The following PRDM16 variants were observed in gnomAD, a reference collection of about 807,000 sequenced individuals.
PRDM16 encodes the protein PR/SET domain 16.
Under a neutral mutation model 110.6 loss-of-function variants are expected in PRDM16, and 23 were observed. The observed-to-expected ratio is 0.21, with a 90% CI of 0.15 to 0.29. The LOEUF (loss-of-function observed/expected upper bound fraction) is 0.29. Ranked by LOEUF, PRDM16 falls within the 10% of genes least tolerant of loss-of-function variation. The pLI is 1.00. For synonymous variants in PRDM16, 799 were observed against 781.8 expected, an observed-to-expected ratio of 1.02 and a Z score of -0.37; for missense variants, 1,615 against 1,794.3, an observed-to-expected ratio of 0.90 and a Z score of 1.81.
Position 3,396,569 on chromosome 1 carries a change from G to A in PRDM16, c.652G>A (p.Gly218Ser), listed in dbSNP as rs1643389331. The change falls in exon 5 of 17, where the codon GGC becomes AGC. Residue 218 changes from glycine to serine, a missense_variant. Transcript: ENST00000270722. Reference protein sequence around the residue: ...VHVKEGVYPLGTVPPGLDEEP... With the variant: ...VHVKEGVYPLSTVPPGLDEEP... ...CGTGAAGGAAGGCGTCTACCCCCTG[G>A]GCACAGTGCCGCCCGGCCTGGACGG... The A allele has an allele frequency of 6.3e-7, 1 of 1,599,292 alleles. No homozygotes were observed. Among genetic ancestry groups the A allele is most frequent in the African/African-American group, 1.3e-5 (1 of 74,734 alleles).
At chr1:3,215,113 G>A (rs1198892716) in intron 2 of PRDM16, among the ~76,000 whole-genome samples, 1 of 152,202 alleles carries the variant, frequency 6.6e-6, no homozygotes. Flanking sequence ...CATCGCTGCT[G>A]TTGGTCCTGA....
At chr1:3,126,837 T>G (rs1643218463) in intron 1 of PRDM16, among the ~76,000 whole-genome samples, 1 of 152,212 alleles carries the variant, frequency 6.6e-6, no homozygotes. Context: ...TCTGATTCTG[T>G]GCAGAAGCGT....
At chr1:3,374,514 C>G (rs941653301) in intron 3 of PRDM16, among the ~76,000 whole-genome samples, 1 of 152,216 alleles carries the variant, frequency 6.6e-6, no homozygotes, top group African/African-American at 2.4e-5. Flanking sequence ...CCCACCGGCC[C>G]CGCACAGCAG....
At chr1:3,427,171 G>C (rs556733398) in intron 14 of PRDM16, among the ~76,000 whole-genome samples, 1 of 152,350 alleles carries the variant, frequency 6.6e-6, no homozygotes, top group South Asian at 2.1e-4. Context: ...CGCATGCTCT[G>C]TGCAACCTGG....
At position 3,244,597 on chromosome 1, in the gene PRDM16, C is replaced by G. The variant is rs1385386419; in HGVS notation, c.438+460C>G. ...GAAGCATCGTTTTAAATAAGCAAAACCACGAGGCGAGAGAAAAAGGGTCCA... is the reference window on the plus strand; with the variant it reads ...GAAGCATCGTTTTAAATAAGCAAAAGCACGAGGCGAGAGAAAAAGGGTCCA... On this transcript the variant is annotated intron_variant, in intron 3 of 16. Transcript: ENST00000270722. The surrounding 1 kb of genome is among the most constrained non-coding windows in gnomAD (Gnocchi z 4.1). Among the ~76,000 whole-genome samples the G allele has an allele frequency of 1.3e-5, 2 of 152,146 alleles. No individual in the cohort carries two copies. The highest frequency in any genetic ancestry group is 4.8e-5 in the African/African-American group (2 of 41,424).
Position 3,270,528 on chromosome 1 carries a change from G to A in PRDM16, c.438+26391G>A, listed in dbSNP as rs144615112. 3.8e-3 allele frequency among the ~76,000 whole-genome samples: 579 copies of A among 151,290 alleles called. 2 individuals carry two copies. The highest frequency in any genetic ancestry group is 6.8e-3 in the Middle Eastern group (2 of 292). The stretch of plus-strand genomic sequence containing the variant: ...CAGTCCCGGGGGAGGACAATCAGGC[G>A]GAAGACAGTCCTGGAGGAAGACAGT... On this transcript the variant is annotated intron_variant, in intron 3 of 16. Coordinates refer to ENST00000270722, the MANE Select transcript of PRDM16 (RefSeq NM_022114.4).
In PRDM16 at chr1:3,165,876, G is replaced by C. The variant is rs1643949752; in HGVS notation, c.38-20249G>C. ...GGGCTCAGGGACAGGGACTCACCAG[G>C]GCTCAGGCACAGGGACTCACCTGGG... On this transcript the variant is annotated intron_variant, in intron 1 of 16. Coordinates refer to ENST00000270722, the MANE Select transcript of PRDM16 (RefSeq NM_022114.4). Among the ~76,000 whole-genome samples the C allele has an allele frequency of 2.4e-5, 3 of 126,440 alleles. 1 individual carries two copies. The highest frequency in any genetic ancestry group is 4.7e-5 in the Non-Finnish European group (3 of 63,224). The allele number at this position is 126,440 out of a possible 152,430, so 82.9% of individuals were successfully genotyped here. A position where few individuals can be genotyped will look rare whatever the true frequency, so the allele number is the denominator to read the frequency against.
chr1:3,376,617 G>GTC (rs760223687), intron 3 of PRDM16, among the ~76,000 whole-genome samples: 5 of 152,170 alleles, frequency 3.3e-5, no homozygotes, highest in Non-Finnish European at 7.4e-5. Context: ...CTTGCTCTCT[G>GTC]TCTCTCTCTG....
At chr1:3,097,036 G>A (rs543520820) in intron 1 of PRDM16, among the ~76,000 whole-genome samples, 1 of 152,298 alleles carries the variant, frequency 6.6e-6, no homozygotes, top group South Asian at 2.1e-4. Flanking sequence ...GGTGCATCGG[G>A]TGCGTGTGCT....
chr1:3,181,215 C>CACAGTCTT, intron 1 of PRDM16, among the ~76,000 whole-genome samples: 1 of 86,872 alleles, frequency 1.2e-5, no homozygotes, highest in Non-Finnish European at 2.5e-5. Context: ...CGGTCTTACA[C>CACAGTCTT]ACGCAGTCTT....
At chr1:3,217,727 T>G (rs573072012) in intron 2 of PRDM16, among the ~76,000 whole-genome samples, 25 of 152,338 alleles carry the variant, frequency 1.6e-4, no homozygotes, top group African/African-American at 6.0e-4. Flanking sequence ...GATCTTTTTT[T>G]TCAACACGGG....
In PRDM16 at chr1:3,201,147, G is replaced by A. The variant is rs781470820; in HGVS notation, c.387+14673G>A. On this transcript the variant is annotated intron_variant, in intron 2 of 16. Transcript: ENST00000270722. This position sits in a 1 kb window ranked among gnomAD's most constrained non-coding sequence, Gnocchi z 4.1. ...GAGTTTTGGGAGCATAGACCACGCT[G>A]CCTTCTTTTGAGGAGGACAGGGATG... 6.6e-5 allele frequency among the ~76,000 whole-genome samples: 10 copies of A among 152,268 alleles called. 1 individual carries two copies. Among genetic ancestry groups the A allele is most frequent in the Admixed American group, 3.9e-4 (6 of 15,306 alleles).
intron 4 of PRDM16, among the ~76,000 whole-genome samples, chr1:3,395,391 C>CT (rs1457708316): frequency 6.6e-6 from 1 of 152,166 alleles, no homozygotes; most frequent in Non-Finnish European, 1.5e-5. Context: ...TAGACCCACT[C>CT]TGTTTTCTTG....
intron 14 of PRDM16, among the ~76,000 whole-genome samples, chr1:3,427,100 G>A (rs935948880): frequency 7.9e-5 from 12 of 152,244 alleles, no homozygotes; most frequent in African/African-American, 2.2e-4. Context: ...ACGCATGGGC[G>A]CACGTGCGTC....
intron 3 of PRDM16, among the ~76,000 whole-genome samples, chr1:3,254,323 G>A (rs995452368): frequency 5.3e-5 from 8 of 152,264 alleles, no homozygotes; most frequent in African/African-American, 1.9e-4. Context: ...AGTTAGGCAG[G>A]AGAAGGAAAT....
At chr1:3,386,676 A>G (rs1267476698) in intron 4 of PRDM16, 1 of 152,266 alleles carries the variant, frequency 6.6e-6, no homozygotes, top group Non-Finnish European at 1.5e-5. Flanking sequence ...TTTCTTCCAG[A>G]TGAAAGTGAA....
intron 3 of PRDM16, among the ~76,000 whole-genome samples, chr1:3,323,442 G>C (rs1641809026): frequency 6.6e-6 from 1 of 152,248 alleles, no homozygotes; most frequent in African/African-American, 2.4e-5. Context: ...AACAGAAGCT[G>C]CCTGGCCCCT....
At chr1:3,387,674 G>C (rs1290658668) in intron 4 of PRDM16, among the ~76,000 whole-genome samples, 1 of 152,264 alleles carries the variant, frequency 6.6e-6, no homozygotes, top group Non-Finnish European at 1.5e-5. Flanking sequence ...GAGCCGGCCA[G>C]AGGCTGGAGG....
intron 3 of PRDM16, among the ~76,000 whole-genome samples, chr1:3,318,219 A>G (rs192031517): frequency 6.0e-4 from 92 of 152,266 alleles, no homozygotes; most frequent in African/African-American, 1.9e-3. Flanking sequence ...TAGGACTTTT[A>G]ATAACTGTAT....
Sources: allele counts gnomAD v4.1 joint callset (sites outside exome capture counted in the v4.1 genomes callset), GRCh38; gene constraint gnomAD v4.1.1; non-coding constraint Gnocchi (gnomAD v3.1); transcripts MANE v1.5; gene names NCBI Gene and HGNC (gene_info 2026-07-23, HGNC 2026-07-21).